Variants in EYS observed in about 807,000 individuals in gnomAD.
EYS encodes protein eyes shut homolog.
A neutral mutation model predicts 282.1 loss-of-function variants in EYS; 250 were observed. That is an observed-to-expected ratio of 0.89 (90% CI 0.80 to 0.98). The LOEUF is 0.98. Ranked by LOEUF, EYS falls within the 50% of genes least tolerant of loss-of-function variation. EYS has a pLI of 0.00. For missense variants in EYS, 4,016 were observed against 3,709.0 expected (o/e 1.08, Z -2.15); for synonymous variants, 1,355 against 1,282.9 (o/e 1.06, Z -1.20).
intron 30 of EYS, among the ~76,000 whole-genome samples, chr6:64,243,491 G>A (rs954686025): frequency 6.6e-6 from 1 of 152,162 alleles, no homozygotes; most frequent in South Asian, 2.1e-4. Context: ...GTCCCCTTGG[G>A]TGTCACACTC....
intron 31 of EYS, among the ~76,000 whole-genome samples, chr6:64,134,701 C>T (rs4710465): frequency 0.26 from 39,061 of 151,738 alleles, 5,369 homozygotes; most frequent in East Asian, 0.45. Flanking sequence ...AAATGGGAAC[C>T]CAGTGTCTCA....
At chr6:65,650,878 A>G (rs972811438) in intron 1 of EYS, among the ~76,000 whole-genome samples, 2 of 152,152 alleles carry the variant, frequency 1.3e-5, no homozygotes, top group African/African-American at 4.8e-5. Context: ...TGCAAATAAA[A>G]TATCTAAATG....
chr6:65,214,882 A>T (rs1411861773), intron 12 of EYS, among the ~76,000 whole-genome samples: 1 of 152,084 alleles, frequency 6.6e-6, no homozygotes, highest in Non-Finnish European at 1.5e-5. Flanking sequence ...TGTGCACTAT[A>T]AATGGAACAA....
intron 30 of EYS, among the ~76,000 whole-genome samples, chr6:64,272,587 G>A (rs1767979780): frequency 6.6e-6 from 1 of 152,134 alleles, no homozygotes; most frequent in African/African-American, 2.4e-5. Flanking sequence ...CTTTAAGAAT[G>A]TCGAATATTG....
At chr6:64,829,676 T>A (rs1189831388) in intron 19 of EYS, among the ~76,000 whole-genome samples, 1 of 151,922 alleles carries the variant, frequency 6.6e-6, no homozygotes, top group Non-Finnish European at 1.5e-5. Flanking sequence ...AGATGAAAGC[T>A]TTTGGGGATG....
At chr6:63,733,429 G>C (rs1768829588) in intron 41 of EYS, among the ~76,000 whole-genome samples, 1 of 151,976 alleles carries the variant, frequency 6.6e-6, no homozygotes, top group Non-Finnish European at 1.5e-5. Flanking sequence ...TTCAGCCCTT[G>C]TGCCCCTCCC....
intron 12 of EYS, among the ~76,000 whole-genome samples, chr6:65,277,823 T>C (rs984972969): frequency 6.6e-6 from 1 of 152,130 alleles, no homozygotes; most frequent in Non-Finnish European, 1.5e-5. Context: ...TTGTCTTCAT[T>C]TGGAGATTGA....
At chr6:64,502,220 GGT>G (rs1777069916) in intron 26 of EYS, among the ~76,000 whole-genome samples, 1 of 125,216 alleles carries the variant, frequency 8.0e-6, no homozygotes, top group Non-Finnish European at 1.7e-5. Flanking sequence ...ACAGCAGGCT[GGT>G]TTTTTTTTTG....
At chr6:64,879,008 T>G (rs1383307118) in intron 19 of EYS, among the ~76,000 whole-genome samples, 1 of 152,158 alleles carries the variant, frequency 6.6e-6, no homozygotes, top group Non-Finnish European at 1.5e-5. Flanking sequence ...TTATAGAATT[T>G]CACTAAGGGT....
At position 64,130,924 on chromosome 6, in the gene EYS, G is replaced by A. The variant is rs145006056; in HGVS notation, c.6425-48922C>T. On this transcript the variant is annotated intron_variant, in intron 31 of 42. Coordinates refer to ENST00000503581, the MANE Select transcript of EYS (RefSeq NM_001142800.2). ...GCTCTGTCTCCCAGGCTGGAGTGAA[G>A]TGGCGTGATCTCAGCTCATTGCAAC... is the stretch of plus-strand genomic sequence containing the variant. 4.8e-4 allele frequency among the ~76,000 whole-genome samples: 73 copies of A among 152,280 alleles called. 1 individual carries two copies. Among genetic ancestry groups the A allele is most frequent in the Middle Eastern group, 3.4e-3 (1 of 294 alleles).
intron 12 of EYS, among the ~76,000 whole-genome samples, chr6:65,118,788 G>C (rs1242928985): frequency 2.0e-5 from 3 of 151,760 alleles, no homozygotes; most frequent in Non-Finnish European, 4.4e-5. Context: ...GTGACAAATG[G>C]ATCACTAGAA....
chr6:64,324,922 C>T (rs1043260402), intron 29 of EYS, among the ~76,000 whole-genome samples: 2 of 152,022 alleles, frequency 1.3e-5, no homozygotes, highest in Non-Finnish European at 2.9e-5. Context: ...GGTGAAAGAC[C>T]ACACAAAGAG....
At chr6:64,037,535 C>G (rs575013672) in intron 33 of EYS, among the ~76,000 whole-genome samples, 2 of 151,960 alleles carry the variant, frequency 1.3e-5, no homozygotes, top group Non-Finnish European at 2.9e-5. Context: ...TGTGAAACAT[C>G]CATGGAAAAA....
intron 15 of EYS, among the ~76,000 whole-genome samples, chr6:64,926,488 T>C (rs952562730): frequency 6.6e-6 from 1 of 152,170 alleles, no homozygotes; most frequent in Non-Finnish European, 1.5e-5. Context: ...CAGAGCTTGG[T>C]TGGGACAAGG....
intron 5 of EYS, among the ~76,000 whole-genome samples, chr6:65,418,405 T>C (rs1393741062): frequency 1.3e-5 from 2 of 152,030 alleles, no homozygotes; most frequent in African/African-American, 4.8e-5. Flanking sequence ...TATTCTGCTA[T>C]AAGGACACAT....
chr6:64,807,247 T>C (rs1478538747), intron 22 of EYS, among the ~76,000 whole-genome samples: 1 of 152,150 alleles, frequency 6.6e-6, no homozygotes, highest in Non-Finnish European at 1.5e-5. Flanking sequence ...TTTTCTTTTG[T>C]ATTTGATATT....
chr6:64,215,233 A>C (rs1451493045), intron 31 of EYS, among the ~76,000 whole-genome samples: 1 of 152,088 alleles, frequency 6.6e-6, no homozygotes, highest in African/African-American at 2.4e-5. Context: ...TGATATACCA[A>C]AAATATTTTA....
At chr6:65,683,742 G>A (rs550679543) in intron 1 of EYS, among the ~76,000 whole-genome samples, 1 of 152,092 alleles carries the variant, frequency 6.6e-6, no homozygotes, top group Non-Finnish European at 1.5e-5. Context: ...GACAAGGATT[G>A]AGAGAGCAGC....
intron 29 of EYS, chr6:64,379,738 G>GTTAAGAT (rs1163957185): frequency 1.3e-5 from 2 of 152,126 alleles, no homozygotes; most frequent in African/African-American, 4.8e-5. Flanking sequence ...TAGAATTTGT[G>GTTAAGAT]ACTGAGATAA....
Sources: gnomAD v4.1 joint callset for allele counts (sites outside exome capture counted in the v4.1 genomes callset) on GRCh38, gnomAD v4.1.1 for gene constraint, MANE v1.5 for transcripts, NCBI Gene and HGNC (gene_info 2026-07-23, HGNC 2026-07-21) for gene names.